Variants in PBX1 observed in about 807,000 individuals in gnomAD.
PBX1 encodes PBX homeobox 1.
In PBX1, 6 loss-of-function variants were observed where a neutral mutation model predicts 53.4. The ratio of observed to expected loss-of-function variants is 0.11; its 90% CI spans 0.06 to 0.22. The LOEUF is 0.22. PBX1 is among the 10% of genes least tolerant of loss of function. The pLI is 1.00. For missense variants in PBX1, 251 were observed against 551.4 expected (o/e 0.46, Z 5.46); for synonymous variants, 204 against 212.3 (o/e 0.96, Z 0.34).
At chr1:164,789,998 T>C (rs1383690652) in intron 2 of PBX1, among the ~76,000 whole-genome samples, 1 of 150,416 alleles carries the variant, frequency 6.6e-6, no homozygotes, top group Non-Finnish European at 1.5e-5. Context: ...AAATGACCCA[T>C]AAATTTCTTT....
Position 164,722,813 on chromosome 1 carries a change from A to G in PBX1, c.266-69681A>G, listed in dbSNP as rs534358684. 5.3e-5 allele frequency among the ~76,000 whole-genome samples: 8 copies of G among 152,348 alleles called. No individual in the cohort carries two copies. The East Asian group carries it at 1.2e-3, about 22-fold the overall frequency. The stretch of plus-strand genomic sequence containing the variant: ...CACAAAGGGTGCAGAAGCACTGCTC[A>G]GGACTCCTTTTTGAAGAGCAACTGC... On this transcript the variant is annotated intron_variant, in intron 2 of 8. Coordinates refer to ENST00000420696, the MANE Select transcript of PBX1 (RefSeq NM_002585.4).
At chr1:164,631,983 G>A (rs958999685) in intron 2 of PBX1, among the ~76,000 whole-genome samples, 3 of 152,220 alleles carry the variant, frequency 2.0e-5, no homozygotes, top group Admixed American at 6.5e-5. Context: ...GCCATCAGCC[G>A]TAGAGAGGCA....
intron 2 of PBX1, among the ~76,000 whole-genome samples, chr1:164,754,344 A>T (rs1666391958): frequency 6.6e-6 from 1 of 152,222 alleles, no homozygotes; most frequent in Non-Finnish European, 1.5e-5. Context: ...GTAGGAGCCA[A>T]GTATCTGCCA....
At chr1:164,636,566 G>A (rs1327642096) in intron 2 of PBX1, among the ~76,000 whole-genome samples, 1 of 152,078 alleles carries the variant, frequency 6.6e-6, no homozygotes, top group African/African-American at 2.4e-5. Flanking sequence ...GTGGGGTTGG[G>A]GTGTTTTATG....
intron 2 of PBX1, among the ~76,000 whole-genome samples, chr1:164,707,414 T>TGAGAGAGAGA (rs1335251572): frequency 1.6e-4 from 17 of 106,690 alleles, no homozygotes; most frequent in African/African-American, 7.4e-4. Context: ...TGTGTGTGTG[T>TGAGAGAGAGA]GTGTGAGAGA....
rs974590970 is a variant in PBX1 at position 164,796,049 on chromosome 1, G to A, written c.510+3311G>A. 1.1e-4 allele frequency among the ~76,000 whole-genome samples: 16 copies of A among 145,474 alleles called. No homozygotes were observed. In the Middle Eastern group the frequency reaches 0.011, roughly 98 times the overall value. On this transcript the variant is annotated intron_variant, in intron 3 of 8. Coordinates refer to ENST00000420696, the MANE Select transcript of PBX1 (RefSeq NM_002585.4). ...TTTTTTTTTTTTGAGATGGAGTCTT[G>A]CTCTGTTGCCCAGGCTGGAGTGCAG...
intron 2 of PBX1, chr1:164,787,528 C>A (rs528532086): frequency 6.6e-6 from 1 of 152,280 alleles, no homozygotes; most frequent in African/African-American, 2.4e-5. Context: ...TGCTCCGGAC[C>A]CACGTCACTC....
chr1:164,753,033 A>AT (rs1243452791), intron 2 of PBX1, among the ~76,000 whole-genome samples: 2 of 152,246 alleles, frequency 1.3e-5, no homozygotes, highest in Non-Finnish European at 2.9e-5. Flanking sequence ...ACTAGCAAAC[A>AT]TGAGTAAGCC....
At chr1:164,810,305 A>T (rs1321419429) in intron 5 of PBX1, among the ~76,000 whole-genome samples, 1 of 152,066 alleles carries the variant, frequency 6.6e-6, no homozygotes, top group African/African-American at 2.4e-5. Context: ...ATGACTGTTG[A>T]GTAATTAGTT....
chr1:164,600,813 A>G (rs1008853057), intron 2 of PBX1, among the ~76,000 whole-genome samples: 1 of 152,192 alleles, frequency 6.6e-6, no homozygotes, highest in African/African-American at 2.4e-5. Flanking sequence ...TTCTGGTCAC[A>G]CCGATCAAGA....
In PBX1 at chr1:164,604,926, A is replaced by G. The variant is rs1656448038; in HGVS notation, c.265+41615A>G. On this transcript the variant is annotated intron_variant, in intron 2 of 8. Coordinates refer to ENST00000420696, the MANE Select transcript of PBX1 (RefSeq NM_002585.4). ...ATAAAAGTAAAGAATGGAAAAAGAC[A>G]AGACAAACCATCTTCCTTTATTCCA... Among the ~76,000 whole-genome samples, 4 of 152,228 alleles carry G rather than the reference A, an allele frequency of 2.6e-5. No homozygotes were observed. In the South Asian group the frequency reaches 8.3e-4, roughly 32 times the overall value.
At chr1:164,699,321 A>AGCTTG (rs1662971753) in intron 2 of PBX1, among the ~76,000 whole-genome samples, 5 of 152,218 alleles carry the variant, frequency 3.3e-5, no homozygotes, top group African/African-American at 1.2e-4. Context: ...CAGGGAGCCA[A>AGCTTG]GCTTTCAAAA....
chr1:164,772,546 A>G (rs1667428757), intron 2 of PBX1, among the ~76,000 whole-genome samples: 1 of 152,258 alleles, frequency 6.6e-6, no homozygotes, highest in Non-Finnish European at 1.5e-5. Flanking sequence ...TGTTGTCACC[A>G]GGATCACATA....
rs1428297822 is a variant in PBX1, at chr1:164,793,534, A to G, written c.510+796A>G. ...GAAAGGGCAAGAAAGGCTGTTAACT[A>G]CAAAGCAGTACATGTAGGGTCTCCC... On this transcript the variant is annotated intron_variant, in intron 3 of 8. Coordinates refer to ENST00000420696, the MANE Select transcript of PBX1 (RefSeq NM_002585.4). Among the ~76,000 whole-genome samples the G allele has an allele frequency of 7.9e-5, 12 of 152,326 alleles. No homozygotes were observed. In the East Asian group the frequency reaches 2.3e-3, roughly 29 times the overall value.
intron 2 of PBX1, among the ~76,000 whole-genome samples, chr1:164,589,612 T>G (rs1033901880): frequency 3.3e-5 from 5 of 152,176 alleles, no homozygotes; most frequent in Non-Finnish European, 7.3e-5. Context: ...GTGAGTTGTT[T>G]ATTGCCAGAG....
At chr1:164,778,976 C>T (rs978449395) in intron 2 of PBX1, among the ~76,000 whole-genome samples, 1 of 151,808 alleles carries the variant, frequency 6.6e-6, no homozygotes, top group Admixed American at 6.6e-5. Context: ...TCAGTTTCCT[C>T]ATCTGACTAA....
intron 2 of PBX1, among the ~76,000 whole-genome samples, chr1:164,622,010 A>G (rs143087187): frequency 6.6e-6 from 1 of 152,352 alleles, no homozygotes; most frequent in East Asian, 1.9e-4. Context: ...CAGGTGTCAG[A>G]CAAGCTAGAG....
chr1:164,687,562 A>T (rs1273498313), intron 2 of PBX1, among the ~76,000 whole-genome samples: 18 of 5,294 alleles, frequency 3.4e-3, no homozygotes, highest in Admixed American at 6.5e-3. Context: ...GACCTTGTCT[A>T]AAAAAAAAAA....
At chr1:164,718,050 T>A (rs1176460386) in intron 2 of PBX1, among the ~76,000 whole-genome samples, 1 of 152,196 alleles carries the variant, frequency 6.6e-6, no homozygotes, top group Non-Finnish European at 1.5e-5. Flanking sequence ...AGGTTCAAAG[T>A]AAGTAAGTAT....
Sources: gnomAD v4.1 joint callset for allele counts (sites outside exome capture counted in the v4.1 genomes callset) on GRCh38, gnomAD v4.1.1 for gene constraint, MANE v1.5 for transcripts, NCBI Gene and HGNC (gene_info 2026-07-23, HGNC 2026-07-21) for gene names.